Variants in HTN3 observed in about 807,000 individuals in gnomAD.
HTN3 encodes histatin 3.
HTN3 carries 15 observed loss-of-function variants against 10.6 expected under a neutral mutation model. The ratio of observed to expected loss-of-function variants is 1.42; its 90% confidence interval spans 0.95 to 2.18. The LOEUF (loss-of-function observed/expected upper bound fraction) is 2.18. Ranked by LOEUF, HTN3 falls within the 30% of genes most tolerant of loss-of-function variation. The pLI, the probability that HTN3 is intolerant of heterozygous loss-of-function variation, is 0.00. For synonymous variants in HTN3, 15 were observed against 16.9 expected, an observed-to-expected ratio of 0.89 and a Z score of 0.27; for missense variants, 68 against 58.0, an observed-to-expected ratio of 1.17 and a Z score of -0.56.
intron 5 of HTN3, chr4:70,034,369 CA>C: frequency 6.6e-6 from 1 of 152,128 alleles, no homozygotes; most frequent in Admixed American, 6.6e-5. Context: ...AAGACAAAAA[CA>C]AAAAACCCGT....
intron 4 of HTN3, among the ~76,000 whole-genome samples, chr4:70,032,907 C>T (rs1725421637): frequency 1.3e-5 from 2 of 152,042 alleles, no homozygotes; most frequent in Admixed American, 6.6e-5. Flanking sequence ...GGAGAGGTTG[C>T]CTATAATCAG....
chr4:70,034,569 T>C (rs1363449321), intron 5 of HTN3, among the ~76,000 whole-genome samples: 2 of 152,072 alleles, frequency 1.3e-5, no homozygotes, highest in African/African-American at 2.4e-5. Context: ...GATGGCTAGG[T>C]TGTGGAGAGA....
At chr4:70,032,354 G>A (rs1725401851) in intron 4 of HTN3, among the ~76,000 whole-genome samples, 1 of 151,986 alleles carries the variant, frequency 6.6e-6, no homozygotes, top group African/African-American at 2.4e-5. Flanking sequence ...GAGAGCTTAA[G>A]TATCTTTCTC....
chr4:70,031,503 G>A (rs570554226), intron 2 of HTN3: 1 of 153,576 alleles, frequency 6.5e-6, no homozygotes, highest in South Asian at 2.0e-4. Flanking sequence ...AAACAAAATT[G>A]GTTATGGCAT....
At chr4:70,028,817 T>C (rs1207662181) in intron 1 of HTN3, among the ~76,000 whole-genome samples, 3 of 152,242 alleles carry the variant, frequency 2.0e-5, no homozygotes, top group South Asian at 4.1e-4. Flanking sequence ...TACTTTCTTA[T>C]TACTTTTATA....
intron 1 of HTN3, among the ~76,000 whole-genome samples, chr4:70,029,818 T>C (rs1698800300): frequency 6.6e-6 from 1 of 152,156 alleles, no homozygotes. Context: ...TCTTCACCAG[T>C]TCAACTTCTC....
chr4:70,032,008 T>C lies in HTN3; in HGVS notation c.72+9T>C. 1 of 1,567,714 alleles carries C rather than the reference T, an allele frequency of 6.4e-7. No individual in the cohort carries two copies. Among genetic ancestry groups the C allele is most frequent in the Non-Finnish European group, 8.8e-7 (1 of 1,142,290 alleles). On this transcript the variant is annotated intron_variant, in intron 3 of 5. Coordinates refer to ENST00000673563, the MANE Select transcript of HTN3 (RefSeq NM_000200.3). ...CTGATTCACATGCAAAGGTAAGACA[T>C]TTTCATTTACTGGAAAACTTGATAA...
intron 2 of HTN3, 188 bp downstream of exon 2, chr4:70,030,979 C>T: frequency 2.0e-6 from 1 of 496,756 alleles, no homozygotes; most frequent in South Asian, 2.5e-5. Context: ...CATTACATAC[C>T]TGCGAACACT....
intron 2 of HTN3, among the ~76,000 whole-genome samples, chr4:70,031,761 T>C (rs535325687): frequency 6.6e-6 from 1 of 152,030 alleles, no homozygotes; most frequent in Non-Finnish European, 1.5e-5. Context: ...TAAACCAAAA[T>C]GAGTTGATAC....
intron 2 of HTN3, 98 bp downstream of exon 2, chr4:70,030,889 A>G (rs1725370010): frequency 2.3e-6 from 2 of 883,528 alleles, no homozygotes; most frequent in South Asian, 1.5e-5. Context: ...TGTTCACCTC[A>G]ATACAGCTTT....
At chr4:70,035,673 A>G (rs1434542726) in intron 5 of HTN3, among the ~76,000 whole-genome samples, 1 of 152,198 alleles carries the variant, frequency 6.6e-6, no homozygotes, top group African/African-American at 2.4e-5. Context: ...TTAGAAAGTC[A>G]TTTTTACTTA....
intron 5 of HTN3, chr4:70,033,953 G>GA (rs1560427571): frequency 6.6e-6 from 1 of 152,014 alleles, no homozygotes. Flanking sequence ...CAAGCAATGG[G>GA]AAAAGGATCT....
intron 5 of HTN3, among the ~76,000 whole-genome samples, 191 bp from the exon 6 acceptor site, chr4:70,036,076 A>G (rs1725510810): frequency 6.6e-6 from 1 of 152,196 alleles, no homozygotes; most frequent in African/African-American, 2.4e-5. Context: ...GATAATTTTT[A>G]TTTATTCTGA....
intron 1 of HTN3, among the ~76,000 whole-genome samples, 158 bp from the exon 2 acceptor site, chr4:70,030,570 G>C (rs1578173324): frequency 6.6e-6 from 1 of 152,280 alleles, no homozygotes; most frequent in East Asian, 1.9e-4. Flanking sequence ...GAGCCCAGGT[G>C]GTCCAGGATG....
chr4:70,031,426 T>A (rs1416838222), intron 2 of HTN3: 20 of 153,364 alleles, frequency 1.3e-4, no homozygotes, highest in African/African-American at 4.6e-4. Flanking sequence ...ATGAAGTTAA[T>A]AGAAAATTGG....
In HTN3 at chr4:70,030,740, T is replaced by G; in HGVS notation, c.-1T>G. ...TTTGATTTTATAGGACTCAGCCAAC[T>G]ATGAAGTTTTTTGTTTTTGCTTTAA... On this transcript the variant is annotated 5_prime_UTR_variant, in exon 2 of 6. Coordinates refer to ENST00000673563, the MANE Select transcript of HTN3 (RefSeq NM_000200.3). The G allele has an allele frequency of 6.2e-7, 1 of 1,609,334 alleles. No individual in the cohort carries two copies. The highest frequency in any genetic ancestry group is 1.1e-5 in the South Asian group (1 of 90,998).
intron 1 of HTN3, among the ~76,000 whole-genome samples, chr4:70,029,082 C>G (rs1487039276): frequency 6.6e-6 from 1 of 151,838 alleles, no homozygotes; most frequent in Admixed American, 6.6e-5. Flanking sequence ...GCAGAAAAGA[C>G]AGTTTATTAT....
At chr4:70,034,687 T>G (rs778739642) in intron 5 of HTN3, among the ~76,000 whole-genome samples, 44 of 152,232 alleles carry the variant, frequency 2.9e-4, no homozygotes, top group Admixed American at 2.7e-3. Context: ...GACCTAGCAA[T>G]CCCGTTACTG....
At chr4:70,030,119 A>T (rs1048051143) in intron 1 of HTN3, among the ~76,000 whole-genome samples, 1 of 150,788 alleles carries the variant, frequency 6.6e-6, no homozygotes, top group African/African-American at 2.5e-5. Context: ...TCCTCCCTAC[A>T]TGCTAAACTG....
Sources: allele counts gnomAD v4.1 joint callset (sites outside exome capture counted in the v4.1 genomes callset), GRCh38; gene constraint gnomAD v4.1.1; transcripts MANE v1.5; gene names NCBI Gene and HGNC (gene_info 2026-07-23, HGNC 2026-07-21).